The following MYO10 variants were observed in gnomAD, a reference collection of about 807,000 sequenced individuals.
The protein encoded by MYO10 is unconventional myosin-X.
A neutral mutation model predicts 257.3 loss-of-function variants in MYO10; 133 were observed. The ratio of observed to expected loss-of-function variants is 0.52; its 90% CI spans 0.45 to 0.60. MYO10 has a LOEUF of 0.60. Ranked by LOEUF, MYO10 falls within the 20% of genes least tolerant of loss-of-function variation. The probability of loss-of-function intolerance (pLI) is 0.00; values close to 1 mark genes in which losing one functional copy is unlikely to be tolerated. For missense variants in MYO10, 2,399 were observed against 2,635.7 expected (o/e 0.91, Z 1.97); for synonymous variants, 1,104 against 1,028.6 (o/e 1.07, Z -1.40).
intron 9 of MYO10, among the ~76,000 whole-genome samples, chr5:16,776,860 G>C (rs115607629): frequency 0.018 from 2,758 of 152,326 alleles, 41 homozygotes; most frequent in Middle Eastern, 0.041. Flanking sequence ...GCTCGCAGGT[G>C]ATGGGACCTG....
At chr5:16,875,854 G>T (rs1404883236) in intron 2 of MYO10, among the ~76,000 whole-genome samples, 1 of 152,140 alleles carries the variant, frequency 6.6e-6, no homozygotes, top group Non-Finnish European at 1.5e-5. Flanking sequence ...GCCAGGGATG[G>T]TGGCTCACTT....
intron 1 of MYO10, among the ~76,000 whole-genome samples, chr5:16,910,367 G>T (rs1052792999): frequency 2.6e-5 from 4 of 152,104 alleles, no homozygotes; most frequent in African/African-American, 4.8e-5. Context: ...CAGAAAGACT[G>T]ACTTGCCCAA....
intron 3 of MYO10, among the ~76,000 whole-genome samples, chr5:16,817,478 AC>A (rs1278370753): frequency 6.6e-6 from 1 of 152,218 alleles, no homozygotes; most frequent in Non-Finnish European, 1.5e-5. Flanking sequence ...AATGTGCATG[AC>A]CACTTTTTAT....
chr5:16,771,163 A>G (rs73053045), intron 9 of MYO10, among the ~76,000 whole-genome samples: 141 of 152,340 alleles, frequency 9.3e-4, no homozygotes, highest in African/African-American at 3.2e-3. Flanking sequence ...TGACATATAC[A>G]TGAGCGATAA....
rs759451720 is a variant in MYO10 at position 16,672,819 on chromosome 5, C to T, written c.5179G>A (p.Glu1727Lys). ...NSHTTAGEVV[E>K]KLIRGLAMED... ...ATGGCCAGGCCTCGGATCAGCTTCT[C>T]CACCACCTGGAAGACACACCAGGGG... Residue 1727 changes from glutamate (E) to lysine (K), a missense_variant, in exon 37 of 41, where the codon GAG becomes AAG. By Grantham distance (56) the Glu-to-Lys change is moderately conservative (BLOSUM62 1). Around this residue, in one of 3 missense-constraint regions of MYO10, gnomAD observed 1,820 missense variants for 1,939.4 expected, o/e 0.94. Transcript: ENST00000513610. The T allele has an allele frequency of 1.2e-6, 2 of 1,612,964 alleles. No homozygotes were observed.
At chr5:16,839,492 C>T (rs1743407021) in intron 2 of MYO10, among the ~76,000 whole-genome samples, 1 of 152,118 alleles carries the variant, frequency 6.6e-6, no homozygotes, top group Non-Finnish European at 1.5e-5. Context: ...ACCTGCAATT[C>T]CAGCACTTTG....
chr5:16,803,118 T>TA (rs1325296965), intron 3 of MYO10, among the ~76,000 whole-genome samples: 61 of 149,730 alleles, frequency 4.1e-4, no homozygotes, highest in East Asian at 2.0e-3. Flanking sequence ...TAAAAAAATT[T>TA]AAAAAAAAAA....
At chr5:16,676,198 T>C in intron 33 of MYO10, 44 bp from the exon 34 acceptor site, 1 of 1,601,852 alleles carries the variant, frequency 6.2e-7, no homozygotes. Flanking sequence ...ACCTGTATTT[T>C]CCTACATATA....
At chr5:16,848,812 A>G (rs1354036771) in intron 2 of MYO10, among the ~76,000 whole-genome samples, 1 of 152,046 alleles carries the variant, frequency 6.6e-6, no homozygotes, top group African/African-American at 2.4e-5. Flanking sequence ...AGTCCTGAGG[A>G]TAGAGACCAT....
At chr5:16,754,934 T>TA (rs1196778833) in intron 18 of MYO10, 26 bp from the exon 19 acceptor site, 2 of 1,461,730 alleles carry the variant, frequency 1.4e-6, no homozygotes, top group African/African-American at 2.8e-5. Context: ...TATGTTGATT[T>TA]AGTCTCTTAT....
chr5:16,717,852 A>G (rs1229272974), intron 19 of MYO10, among the ~76,000 whole-genome samples: 2 of 152,182 alleles, frequency 1.3e-5, no homozygotes, highest in Non-Finnish European at 1.5e-5. Flanking sequence ...CTTTGGTGGC[A>G]TTTGAGGAGC....
At chr5:16,901,245 T>TAC (rs554597657) in intron 1 of MYO10, among the ~76,000 whole-genome samples, 176 of 152,118 alleles carry the variant, frequency 1.2e-3, no homozygotes, top group African/African-American at 4.1e-3. Flanking sequence ...TCACATACAT[T>TAC]ACCTCCTCTC....
chr5:16,704,600 T>C lies in MYO10; in HGVS notation c.2255A>G (p.His752Arg), dbSNP rs752561624. ...TTACCGTGCTAAGAAGCCCAAGACA[T>C]GGGCCCGAATCACCATGGCCGCGTG... ...VSHAAMVIRAHVLGFLARKQY... is the reference protein window; with the variant it reads ...VSHAAMVIRARVLGFLARKQY... Residue 752 changes from histidine (H) to arginine (R), a missense_variant, in exon 22 of 41, where the codon CAT becomes CGT. Coordinates refer to ENST00000513610, the MANE Select transcript of MYO10 (RefSeq NM_012334.3). 5.0e-6 allele frequency: 8 copies of C among 1,613,902 alleles called. No homozygotes were observed. In the Admixed American group the frequency reaches 1.2e-4, roughly 24 times the overall value.
At chr5:16,725,078 C>CTG (rs1739304576) in intron 19 of MYO10, among the ~76,000 whole-genome samples, 1 of 74,890 alleles carries the variant, frequency 1.3e-5, no homozygotes. Context: ...CCTTCTTCTT[C>CTG]TTTTTTTTTT....
At chr5:16,815,236 T>C in intron 3 of MYO10, 2 of 497,782 alleles carry the variant, frequency 4.0e-6, no homozygotes, top group Non-Finnish European at 7.1e-6. Flanking sequence ...TGAGCATCCC[T>C]TGTGTGAAAT....
At chr5:16,876,044 C>T (rs531780509) in intron 2 of MYO10, among the ~76,000 whole-genome samples, 28 of 152,080 alleles carry the variant, frequency 1.8e-4, no homozygotes, top group South Asian at 1.2e-3. Flanking sequence ...ACCCAGGAGG[C>T]GAAGGTTACA....
intron 11 of MYO10, among the ~76,000 whole-genome samples, chr5:16,765,509 T>C (rs1338409139): frequency 2.0e-5 from 3 of 152,198 alleles, no homozygotes; most frequent in Non-Finnish European, 4.4e-5. Flanking sequence ...TATCATATTC[T>C]GTCCCTCTAA....
In MYO10 at chr5:16,681,397, T is replaced by G. The variant is rs1435489877; in HGVS notation, c.4296A>C (p.Ser1432=). ...THNSLDYYKS[S]EKNALKLGTL... ...TCCCCAGTTTGAGCGCGTTCTTCTC[T>G]GAACTCTTGTAGTAATCCAGGGAAT... is the stretch of plus-strand genomic sequence containing the variant. The change falls in exon 32 of 41, where the codon TCA becomes TCC. Residue 1432 remains serine (S), a synonymous_variant. Transcript: ENST00000513610. 6.2e-7 allele frequency: 1 copy of G among 1,614,034 alleles called. No homozygotes were observed. Among genetic ancestry groups the G allele is most frequent in the Non-Finnish European group, 8.5e-7 (1 of 1,179,900 alleles).
At chr5:16,770,709 T>C (rs918206139) in intron 9 of MYO10, among the ~76,000 whole-genome samples, 1 of 152,176 alleles carries the variant, frequency 6.6e-6, no homozygotes, top group African/African-American at 2.4e-5. Context: ...TGAAGCAACA[T>C]AAATTGCAAA....
Sources: allele counts gnomAD v4.1 joint callset (sites outside exome capture counted in the v4.1 genomes callset), GRCh38; gene constraint gnomAD v4.1.1; regional missense constraint gnomAD v4.1.1; transcripts MANE v1.5; gene names NCBI Gene and HGNC (gene_info 2026-07-23, HGNC 2026-07-21).